Variants in COX15 observed in about 807,000 individuals in gnomAD.
COX15 encodes heme A synthase COX15.
Under a neutral mutation model 51.9 loss-of-function variants are expected in COX15, and 51 were observed. The observed-to-expected ratio is 0.98, with a 90% confidence interval of 0.78 to 1.24. The LOEUF (loss-of-function observed/expected upper bound fraction) is 1.24. COX15 is among the 50% of genes most tolerant of loss of function. The pLI, the probability that COX15 is intolerant of heterozygous loss-of-function variation, is 0.00. For missense variants in COX15, 420 were observed against 501.1 expected (o/e 0.84, Z 1.55); for synonymous variants, 188 against 190.5 (o/e 0.99, Z 0.11).
chr10:99,725,762 G>C (rs2036929249), intron 4 of COX15, among the ~76,000 whole-genome samples: 1 of 152,214 alleles, frequency 6.6e-6, no homozygotes, highest in South Asian at 2.1e-4. Context: ...GTTTTACCAT[G>C]TTGGCCAGGC....
At chr10:99,720,859 G>T in intron 6 of COX15, 128 bp downstream of exon 6, 1 of 773,740 alleles carries the variant, frequency 1.3e-6, no homozygotes, top group Non-Finnish European at 2.2e-6. Context: ...GGGTGAAGAT[G>T]GGGGAATGAG....
the COX15 span, chr10:99,696,218 T>C: frequency 6.3e-6 from 9 of 1,420,534 alleles, no homozygotes; most frequent in South Asian, 1.2e-4. Flanking sequence ...GATAAGTCCC[T>C]GCTTCCTCCT....
At chr10:99,729,422 T>C in intron 2 of COX15, 131 bp downstream of exon 2, 1 of 961,584 alleles carries the variant, frequency 1.0e-6, no homozygotes, top group Middle Eastern at 2.7e-4. Flanking sequence ...ATCACACCAC[T>C]GCACTCCAGC....
At chr10:99,701,563 C>T in the COX15 span, among the ~76,000 whole-genome samples, 1 of 151,516 alleles carries the variant, frequency 6.6e-6, no homozygotes, top group East Asian at 2.0e-4. Flanking sequence ...GCTAGGATTA[C>T]AGGTATGAGC....
chr10:99,704,399 C>CCCTTTGAA, the COX15 span: 1 of 1,566,194 alleles, frequency 6.4e-7, no homozygotes, highest in Non-Finnish European at 8.8e-7. Flanking sequence ...GTAAATGTCT[C>CCCTTTGAA]CCTTTGAAAC....
chr10:99,714,451 A>G lies in COX15; in HGVS notation c.*136T>C, dbSNP rs1454860850. ...ATCCAGTGACTATCTCAAAACAGGA[A>G]AAGATTTTTAAGTAAGTTGACCATT... On this transcript the variant is annotated 3_prime_UTR_variant, in exon 9 of 9. Coordinates refer to ENST00000016171, the MANE Select transcript of COX15 (RefSeq NM_078470.6). 4.6e-6 allele frequency: 7 copies of G among 1,535,682 alleles called. No individual in the cohort carries two copies. The African/African-American group carries it at 8.2e-5, about 18-fold the overall frequency.
At chr10:99,709,521 T>A, downstream of COX15, 1 of 983,482 alleles carries the variant, frequency 1.0e-6, no homozygotes, top group Non-Finnish European at 1.2e-6. Context: ...TGATTAATAA[T>A]AACAGGATTA....
the COX15 span, chr10:99,705,417 G>A: frequency 1.3e-5 from 2 of 152,472 alleles, no homozygotes; most frequent in African/African-American, 2.4e-5. Context: ...TGCCTCACAG[G>A]CTGTTTGGGC....
At position 99,711,575 on chromosome 10, in the gene COX15, G is replaced by C; in HGVS notation, c.*3012C>G. 8 of 985,352 alleles carry C rather than the reference G, an allele frequency of 8.1e-6. No individual in the cohort carries two copies. The highest frequency in any genetic ancestry group is 9.6e-6 in the Non-Finnish European group (8 of 829,866). The allele number at this position is 985,352 out of a possible 1,614,324, so 61.0% of individuals were successfully genotyped here. On this transcript the variant is annotated 3_prime_UTR_variant, in exon 9 of 9. Transcript: ENST00000016171. The stretch of plus-strand genomic sequence containing the variant: ...TAGGCTATTAGGACCTAAGCCAGTG[G>C]TCCCTAGACTTGTCTGCACATTGGA...
At chr10:99,698,106 C>T in the COX15 span, among the ~76,000 whole-genome samples, 2 of 152,164 alleles carry the variant, frequency 1.3e-5, no homozygotes, top group Non-Finnish European at 2.9e-5. Context: ...GCACATGGGC[C>T]ACTGCCGTGG....
intron 2 of COX15, 132 bp from the exon 3 acceptor site, chr10:99,727,695 G>A: frequency 1.1e-5 from 13 of 1,152,044 alleles, no homozygotes; most frequent in Admixed American, 1.8e-5. Flanking sequence ...CCTCTTTTGA[G>A]ACATTTCTCT....
At chr10:99,716,067 C>T (rs536357857) in intron 8 of COX15, among the ~76,000 whole-genome samples, 1 of 148,372 alleles carries the variant, frequency 6.7e-6, no homozygotes, top group Non-Finnish European at 1.5e-5. Flanking sequence ...TCTTGACTCA[C>T]TGCAGCCTCA....
rs201002908 is a variant in COX15, at chr10:99,724,020, G to T, written c.686C>A (p.Ser229Ter). Residue 229 changes from serine to a stop codon, truncating the protein, a stop_gained, in exon 5 of 9, where the codon TCA becomes TAA. Coordinates refer to ENST00000016171, the MANE Select transcript of COX15 (RefSeq NM_078470.6). LOFTEE classifies it high-confidence loss of function. ...GCTGGCACAATAAAGAACCAGGGCT[G>T]ATCCCAGGTGGGCAGCAAGGCGGTA... ...SQYRLAAHLG[S>*]ALVLYCASLW... 24 of 1,614,012 alleles carry T rather than the reference G, an allele frequency of 1.5e-5. No individual in the cohort carries two copies. The highest frequency in any genetic ancestry group is 5.0e-5 in the Admixed American group (3 of 59,992).
In COX15 at chr10:99,714,331, G is replaced by T. The variant is rs2036497751; in HGVS notation, c.*256C>A. 1 of 1,268,612 alleles carries T rather than the reference G, an allele frequency of 7.9e-7. No individual in the cohort carries two copies. Among genetic ancestry groups the T allele is most frequent in the African/African-American group, 1.5e-5 (1 of 65,458 alleles). The allele number at this position is 1,268,612 out of a possible 1,614,324, so 78.6% of individuals were successfully genotyped here. ...CACAAAGCCTGTTAAGCAGCAAATG[G>T]CAGACATTTCTTTCTCTACATTAAA... is the stretch of plus-strand genomic sequence containing the variant. On this transcript the variant is annotated 3_prime_UTR_variant, in exon 9 of 9. Coordinates refer to ENST00000016171, the MANE Select transcript of COX15 (RefSeq NM_078470.6).
At chr10:99,718,323 A>G in intron 7 of COX15, 23 bp downstream of exon 7, 2 of 1,613,878 alleles carry the variant, frequency 1.2e-6, no homozygotes, top group Non-Finnish European at 1.7e-6. Context: ...GCTCTCTGGC[A>G]GGTAACCACC....
chr10:99,701,511 C>T, the COX15 span, among the ~76,000 whole-genome samples: 1 of 151,582 alleles, frequency 6.6e-6, no homozygotes, highest in African/African-American at 2.4e-5. Context: ...TGGTCTTGAA[C>T]TCCTGAGCTC....
downstream of COX15, among the ~76,000 whole-genome samples, chr10:99,707,422 T>TA (rs1438379195): frequency 6.6e-6 from 1 of 152,250 alleles, no homozygotes; most frequent in Non-Finnish European, 1.5e-5. Context: ...GCCAATTACT[T>TA]AAATATATTT....
chr10:99,720,655 T>C (rs1259654960), intron 6 of COX15, among the ~76,000 whole-genome samples: 1 of 152,208 alleles, frequency 6.6e-6, no homozygotes, highest in Non-Finnish European at 1.5e-5. Flanking sequence ...AGTCATACTG[T>C]TGTCGTAATC....
At chr10:99,731,377 A>G (rs2037139353) in intron 1 of COX15, among the ~76,000 whole-genome samples, 1 of 152,204 alleles carries the variant, frequency 6.6e-6, no homozygotes, top group Non-Finnish European at 1.5e-5. Context: ...CCAGGGCAGG[A>G]GTCTTGTAAT....
Sources: gnomAD v4.1 joint callset for allele counts (sites outside exome capture counted in the v4.1 genomes callset) on GRCh38, gnomAD v4.1.1 for gene constraint, MANE v1.5 for transcripts, NCBI Gene and HGNC (gene_info 2026-07-23, HGNC 2026-07-21) for gene names.